The following ROBO2 variants were observed in gnomAD, a reference collection of about 807,000 sequenced individuals.
The protein encoded by ROBO2 is roundabout guidance receptor 2.
Under a neutral mutation model 160.8 loss-of-function variants are expected in ROBO2, and 53 were observed. The observed-to-expected ratio is 0.33, with a 90% CI of 0.26 to 0.41. ROBO2 has a LOEUF of 0.41. Among genes scored for constraint, ROBO2 ranks in the 10% least tolerant of loss-of-function variants. The probability of loss-of-function intolerance (pLI) is 1.00; values close to 1 mark genes in which losing one functional copy is unlikely to be tolerated. For synonymous variants in ROBO2, 664 were observed against 611.7 expected (o/e 1.09, Z -1.26); for missense variants, 1,577 against 1,722.4 (o/e 0.92, Z 1.49).
At chr3:76,335,433 T>C (rs561437477) in intron 2 of ROBO2, among the ~76,000 whole-genome samples, 50 of 152,014 alleles carry the variant, frequency 3.3e-4, no homozygotes, top group African/African-American at 1.2e-3. Flanking sequence ...CTGCCCACCT[T>C]GGCCTCCCAA....
At chr3:76,995,919 G>C (rs963043836) in intron 2 of ROBO2, among the ~76,000 whole-genome samples, 3 of 152,082 alleles carry the variant, frequency 2.0e-5, no homozygotes, top group African/African-American at 7.2e-5. Context: ...CACTCTGATG[G>C]TAGTTTCTTT....
At chr3:76,528,967 A>T (rs2082088306) in intron 2 of ROBO2, among the ~76,000 whole-genome samples, 1 of 152,060 alleles carries the variant, frequency 6.6e-6, no homozygotes, top group Admixed American at 6.6e-5. Context: ...GAGGTGGGAG[A>T]ATTAGCAGTG....
intron 1 of ROBO2, among the ~76,000 whole-genome samples, chr3:75,918,935 G>A (rs1946918626): frequency 6.6e-6 from 1 of 152,052 alleles, no homozygotes; most frequent in South Asian, 2.1e-4. Context: ...AGGAATTTTT[G>A]GGCTGAGGTG....
intron 2 of ROBO2, among the ~76,000 whole-genome samples, chr3:76,008,684 A>G (rs2066102632): frequency 6.6e-6 from 1 of 152,150 alleles, no homozygotes; most frequent in Non-Finnish European, 1.5e-5. Context: ...ACCTATTGTA[A>G]GAAGTTAGAA....
At chr3:77,272,001 G>A (rs1157182731) in intron 2 of ROBO2, among the ~76,000 whole-genome samples, 1 of 152,090 alleles carries the variant, frequency 6.6e-6, no homozygotes, top group South Asian at 2.1e-4. Context: ...ACTTAATTTC[G>A]AGCTTTTCAT....
At chr3:76,522,316 C>T (rs913286202) in intron 2 of ROBO2, among the ~76,000 whole-genome samples, 4 of 151,978 alleles carry the variant, frequency 2.6e-5, no homozygotes, top group African/African-American at 9.7e-5. Context: ...TTGCAATTAC[C>T]CTATGTTTTG....
intron 2 of ROBO2, among the ~76,000 whole-genome samples, chr3:77,019,894 T>G (rs2149499780): frequency 6.6e-6 from 1 of 152,298 alleles, no homozygotes; most frequent in Middle Eastern, 3.4e-3. Flanking sequence ...CAGATACATT[T>G]GAATTTGAAC....
intron 2 of ROBO2, among the ~76,000 whole-genome samples, chr3:76,803,598 T>G (rs2108886400): frequency 6.6e-6 from 1 of 152,158 alleles, no homozygotes; most frequent in African/African-American, 2.4e-5. Context: ...ACATACAAAC[T>G]TATCTTTCTC....
intron 2 of ROBO2, among the ~76,000 whole-genome samples, chr3:76,667,461 C>T (rs1474433121): frequency 6.6e-6 from 1 of 152,020 alleles, no homozygotes; most frequent in East Asian, 1.9e-4. Context: ...TGTTCTCTTG[C>T]TTTCTCTTCC....
At chr3:76,020,028 T>TC (rs1375620133) in intron 2 of ROBO2, among the ~76,000 whole-genome samples, 2 of 152,016 alleles carry the variant, frequency 1.3e-5, no homozygotes, top group Non-Finnish European at 2.9e-5. Context: ...TACTGTGTAT[T>TC]CCTTGGTAGG....
intron 5 of ROBO2, among the ~76,000 whole-genome samples, chr3:77,516,444 A>G (rs990973976): frequency 5.3e-5 from 8 of 151,600 alleles, no homozygotes; most frequent in African/African-American, 1.9e-4. Context: ...CTCCCTGCCA[A>G]AATAATGAGC....
chr3:76,011,870 C>T (rs2066204317), intron 2 of ROBO2, among the ~76,000 whole-genome samples: 1 of 152,110 alleles, frequency 6.6e-6, no homozygotes, highest in African/African-American at 2.4e-5. Flanking sequence ...TTGTGCTCCT[C>T]AATGGAAATT....
At chr3:76,906,771 C>T (rs1003505191) in intron 2 of ROBO2, among the ~76,000 whole-genome samples, 1 of 152,052 alleles carries the variant, frequency 6.6e-6, no homozygotes, top group South Asian at 2.1e-4. Context: ...ATTATAATTT[C>T]TTAAATGTCC....
intron 3 of ROBO2, 43 bp from the exon 4 acceptor site, chr3:77,481,056 C>A: frequency 6.6e-7 from 1 of 1,510,184 alleles, no homozygotes; most frequent in South Asian, 1.1e-5. Flanking sequence ...CTATTCTGTT[C>A]CTTTTTCTTC....
chr3:75,928,788 A>G (rs1355066614), intron 1 of ROBO2, among the ~76,000 whole-genome samples: 4 of 146,870 alleles, frequency 2.7e-5, no homozygotes, highest in Non-Finnish European at 3.0e-5. Flanking sequence ...TGTGTGTGAG[A>G]TAGCTGATGA....
At chr3:77,026,132 CT>C (rs1438669909) in intron 2 of ROBO2, among the ~76,000 whole-genome samples, 1 of 152,044 alleles carries the variant, frequency 6.6e-6, no homozygotes, top group Non-Finnish European at 1.5e-5. Flanking sequence ...CTGTAATTTC[CT>C]TCAATACTAT....
At chr3:77,427,386 T>G (rs1293021218) in intron 2 of ROBO2, among the ~76,000 whole-genome samples, 1 of 152,230 alleles carries the variant, frequency 6.6e-6, no homozygotes, top group Non-Finnish European at 1.5e-5. Context: ...ATGGGTGCAA[T>G]TGCTATCTCT....
intron 2 of ROBO2, among the ~76,000 whole-genome samples, chr3:76,712,682 A>AAAT (rs1212336223): frequency 6.6e-6 from 1 of 151,308 alleles, no homozygotes; most frequent in Non-Finnish European, 1.5e-5. Flanking sequence ...CTCAAAAAAA[A>AAAT]AATAATAATA....
intron 2 of ROBO2, among the ~76,000 whole-genome samples, chr3:76,562,439 ATCTCTCTC>A (rs10598282): frequency 2.0e-5 from 3 of 147,220 alleles, no homozygotes; most frequent in Admixed American, 6.8e-5. Context: ...TATAAGATTG[ATCTCTCTC>A]TCTCTCTCTC....
Sources: gnomAD v4.1 joint callset for allele counts (sites outside exome capture counted in the v4.1 genomes callset) on GRCh38, gnomAD v4.1.1 for gene constraint, MANE v1.5 for transcripts, NCBI Gene and HGNC (gene_info 2026-07-23, HGNC 2026-07-21) for gene names.